Variants in MTUS2 observed in about 807,000 individuals in gnomAD.
MTUS2 encodes the protein microtubule associated scaffold protein 2, also known as microtubule-associated tumor suppressor candidate 2.
A neutral mutation model predicts 114.1 loss-of-function variants in MTUS2; 40 were observed. The observed-to-expected ratio is 0.35, with a 90% CI of 0.27 to 0.46. The LOEUF is 0.46. Ranked by LOEUF, MTUS2 falls within the 20% of genes least tolerant of loss-of-function variation. The pLI, the probability that MTUS2 is intolerant of heterozygous loss-of-function variation, is 1.00. For synonymous variants in MTUS2, 688 were observed against 672.0 expected (o/e 1.02, Z -0.37); for missense variants, 1,679 against 1,705.4 (o/e 0.98, Z 0.27).
intron 4 of MTUS2, among the ~76,000 whole-genome samples, chr13:29,086,743 TC>T (rs1889709118): frequency 6.6e-6 from 1 of 152,192 alleles, no homozygotes; most frequent in South Asian, 2.1e-4. Flanking sequence ...GTTGATTGTT[TC>T]TATCCAAGAG....
chr13:28,834,976 A>G (rs1020325609), intron 1 of MTUS2, among the ~76,000 whole-genome samples: 5 of 152,230 alleles, frequency 3.3e-5, no homozygotes, highest in African/African-American at 4.8e-5. Context: ...TAAAACCACA[A>G]TAATGTATCA....
intron 8 of MTUS2, among the ~76,000 whole-genome samples, chr13:29,391,356 G>T (rs1362264058): frequency 6.6e-6 from 1 of 152,174 alleles, no homozygotes; most frequent in African/African-American, 2.4e-5. Context: ...TATTTACAGT[G>T]GGCTTCAGGC....
intron 8 of MTUS2, among the ~76,000 whole-genome samples, chr13:29,387,331 C>A (rs12585130): frequency 0.14 from 21,857 of 152,094 alleles, 1,809 homozygotes; most frequent in African/African-American, 0.22. Context: ...TTGCAAGTGG[C>A]GGGAGCTTCA....
chr13:29,323,200 A>G (rs539363865), intron 6 of MTUS2, among the ~76,000 whole-genome samples: 81 of 152,206 alleles, frequency 5.3e-4, no homozygotes, highest in African/African-American at 1.9e-3. Flanking sequence ...ATGCTCATCC[A>G]TAAGACGATG....
intron 2 of MTUS2, among the ~76,000 whole-genome samples, chr13:28,940,348 A>T (rs919348237): frequency 4.6e-5 from 7 of 152,216 alleles, no homozygotes; most frequent in Admixed American, 1.3e-4. Flanking sequence ...ATGCTAAGTG[A>T]AAGAAGCTGG....
intron 9 of MTUS2, among the ~76,000 whole-genome samples, chr13:29,452,491 A>G (rs1437676551): frequency 2.0e-5 from 3 of 151,796 alleles, no homozygotes; most frequent in Admixed American, 2.0e-4. Flanking sequence ...CCTGGGCTCA[A>G]GTGATCCTCC....
chr13:29,409,251 G>C (rs1336591899), intron 8 of MTUS2, among the ~76,000 whole-genome samples: 2 of 152,172 alleles, frequency 1.3e-5, no homozygotes, highest in African/African-American at 2.4e-5. Context: ...AAGAGGCAGA[G>C]GTTGCAGTGA....
intron 5 of MTUS2, among the ~76,000 whole-genome samples, chr13:29,146,164 C>A (rs1016523051): frequency 6.6e-6 from 1 of 152,146 alleles, no homozygotes; most frequent in Non-Finnish European, 1.5e-5. Context: ...AATGTCAACA[C>A]CTTTGTCATA....
At chr13:29,497,146 C>A in intron 12 of MTUS2, 92 bp from the exon 13 acceptor site, 3 of 1,111,404 alleles carry the variant, frequency 2.7e-6, no homozygotes, top group South Asian at 1.3e-5. Flanking sequence ...ATGCCCAGGG[C>A]ACAGTGGTGG....
intron 5 of MTUS2, among the ~76,000 whole-genome samples, chr13:29,140,725 T>G (rs2138999828): frequency 6.6e-6 from 1 of 152,308 alleles, no homozygotes; most frequent in South Asian, 2.1e-4. Flanking sequence ...CACCTCTTCC[T>G]CTGTTGAGTT....
intron 5 of MTUS2, among the ~76,000 whole-genome samples, chr13:29,276,344 A>G (rs1311228841): frequency 6.6e-6 from 1 of 152,198 alleles, no homozygotes; most frequent in East Asian, 1.9e-4. Flanking sequence ...TCAGTCATAT[A>G]TATACCTTTT....
At chr13:28,948,353 C>T (rs1038646293) in intron 2 of MTUS2, among the ~76,000 whole-genome samples, 3 of 152,042 alleles carry the variant, frequency 2.0e-5, no homozygotes, top group African/African-American at 7.2e-5. Flanking sequence ...AAGGCTCAGG[C>T]CCACAGGTAG....
chr13:29,002,605 TC>T (rs1885433180), intron 2 of MTUS2, among the ~76,000 whole-genome samples: 1 of 152,224 alleles, frequency 6.6e-6, no homozygotes, highest in East Asian at 1.9e-4. Context: ...GCAAGGGCTT[TC>T]ATACAGTCAT....
chr13:29,041,032 A>G (rs972420154), intron 4 of MTUS2, among the ~76,000 whole-genome samples: 5 of 152,140 alleles, frequency 3.3e-5, no homozygotes, highest in Non-Finnish European at 5.9e-5. Flanking sequence ...ATCCTTGCCT[A>G]CGATAATGTC....
rs892763332 is a variant in MTUS2 at position 29,149,625 on chromosome 13, T to G, written c.2644+48655T>G. The stretch of plus-strand genomic sequence containing the variant: ...TATGTCCTGAATGGTATTGCCTAGA[T>G]TTTCTTCTAGGATTTTTATAGTTTT... On this transcript the variant is annotated intron_variant, in intron 5 of 15. Transcript: ENST00000612955. Among the ~76,000 whole-genome samples, 70 of 152,174 alleles carry G rather than the reference T, an allele frequency of 4.6e-4. 3 individuals carry two copies. The highest frequency in any genetic ancestry group is 1.2e-4 in the Non-Finnish European group (8 of 68,024).
At chr13:29,396,171 G>T (rs1031102440) in intron 8 of MTUS2, among the ~76,000 whole-genome samples, 1 of 152,162 alleles carries the variant, frequency 6.6e-6, no homozygotes, top group African/African-American at 2.4e-5. Flanking sequence ...ATTGTCACGT[G>T]GTCTGCATCA....
At chr13:29,020,119 A>C (rs903723799) in intron 2 of MTUS2, among the ~76,000 whole-genome samples, 14 of 152,208 alleles carry the variant, frequency 9.2e-5, no homozygotes, top group Non-Finnish European at 1.6e-4. Flanking sequence ...AGCATCAGGT[A>C]GGTTATAAGC....
chr13:28,898,806 T>C (rs1049829962), intron 2 of MTUS2, among the ~76,000 whole-genome samples: 3 of 152,218 alleles, frequency 2.0e-5, no homozygotes, highest in Non-Finnish European at 4.4e-5. Context: ...GGGCTGCGAA[T>C]TTTTGGCATT....
At chr13:28,864,568 A>G (rs776375795) in intron 2 of MTUS2, among the ~76,000 whole-genome samples, 3 of 152,236 alleles carry the variant, frequency 2.0e-5, no homozygotes, top group Non-Finnish European at 4.4e-5. Context: ...TAAAAACCCT[A>G]TGATGATAGC....
Sources: gnomAD v4.1 joint callset for allele counts (sites outside exome capture counted in the v4.1 genomes callset) on GRCh38, gnomAD v4.1.1 for gene constraint, MANE v1.5 for transcripts, NCBI Gene and HGNC (gene_info 2026-07-23, HGNC 2026-07-21) for gene names.